The following PMF1 variants were observed in gnomAD, a reference collection of about 807,000 sequenced individuals.
PMF1 encodes polyamine modulated factor 1, also known as polyamine-modulated factor 1.
In PMF1, 21 loss-of-function variants were observed where a neutral mutation model predicts 26.7. The observed-to-expected ratio is 0.79, with a 90% CI of 0.56 to 1.13. PMF1 has a LOEUF of 1.13. Among genes scored for constraint, PMF1 ranks in the 50% most tolerant of loss-of-function variants. PMF1 has a pLI of 0.00. For missense variants in PMF1, 266 were observed against 254.9 expected (o/e 1.04, Z -0.30); for synonymous variants, 105 against 101.0 (o/e 1.04, Z -0.24).
intron 4 of PMF1, among the ~76,000 whole-genome samples, chr1:156,237,499 T>G (rs1469715933): frequency 1.4e-5 from 2 of 145,310 alleles, no homozygotes; most frequent in African/African-American, 2.5e-5. Flanking sequence ...CAGGCTGGAG[T>G]GCAGTGGCAC....
intron 3 of PMF1, 88 bp downstream of exon 3, chr1:156,233,816 A>C (rs778001762): frequency 3.8e-6 from 5 of 1,314,958 alleles, no homozygotes; most frequent in South Asian, 2.7e-5. Context: ...GGGTCTCACT[A>C]TGTTGGCCAG....
Position 156,213,123 on chromosome 1 carries a change from GCTCCTC to G in PMF1, c.109_114del (p.Leu37_Leu38del), listed in dbSNP as rs1440035074. Reference sequence around the variant, plus strand: ...CCGGCACTACCATTTCGAGGGTGAAGCTCCTCGACACCATGGTGGACACTTTTCTTC... The same window carrying G: ...CCGGCACTACCATTTCGAGGGTGAAGGACACCATGGTGGACACTTTTCTTC... On this transcript the variant is annotated inframe_deletion, in exon 1 of 5. Transcript: ENST00000368277. The G allele has an allele frequency of 2.5e-5, 41 of 1,614,136 alleles. No individual in the cohort carries two copies. The highest frequency in any genetic ancestry group is 3.5e-5 in the Non-Finnish European group (41 of 1,180,044).
At chr1:156,220,050 A>G (rs977033243) in intron 1 of PMF1, among the ~76,000 whole-genome samples, 1 of 131,778 alleles carries the variant, frequency 7.6e-6, no homozygotes, top group Non-Finnish European at 1.6e-5. Flanking sequence ...TGCAAGCTCC[A>G]CCTCCCGGGT....
At chr1:156,213,662 ATG>A (rs1449019586) in intron 1 of PMF1, among the ~76,000 whole-genome samples, 2 of 151,830 alleles carry the variant, frequency 1.3e-5, no homozygotes, top group African/African-American at 2.4e-5. Flanking sequence ...GCCCACCACT[ATG>A]TGAGCAAGAC....
intron 1 of PMF1, chr1:156,223,233 T>G (rs1164116337): frequency 6.6e-6 from 1 of 152,346 alleles, no homozygotes; most frequent in African/African-American, 2.4e-5. Flanking sequence ...CCACTGTTTT[T>G]GCCTTGCTCC....
rs935721414 is a variant in PMF1, at chr1:156,233,826, G to C, written c.368+98G>C. The C allele has an allele frequency of 8.1e-6, 10 of 1,228,008 alleles. No individual in the cohort carries two copies. The African/African-American group carries it at 1.4e-4, about 17-fold the overall frequency. The allele number at this position is 1,228,008 out of a possible 1,614,324, so 76.1% of individuals were successfully genotyped here. ...AGTCAGGGTCTCACTATGTTGGCCA[G>C]GCTGGTCACAAACTCCTGGCCTTAA... On this transcript the variant is annotated intron_variant, in intron 3 of 4. Coordinates refer to ENST00000368277, the MANE Select transcript of PMF1 (RefSeq NM_007221.4).
chr1:156,231,031 C>T (rs1658667460), intron 1 of PMF1, among the ~76,000 whole-genome samples: 1 of 151,896 alleles, frequency 6.6e-6, no homozygotes, highest in Admixed American at 6.6e-5. Context: ...CTAGCTAACA[C>T]GGTGAAACCC....
chr1:156,221,392 G>C (rs148781032), intron 1 of PMF1, among the ~76,000 whole-genome samples: 5 of 152,294 alleles, frequency 3.3e-5, no homozygotes, highest in Non-Finnish European at 5.9e-5. Flanking sequence ...AGGCCACCTT[G>C]CTCCCCTGGT....
chr1:156,233,571 T>C, intron 2 of PMF1, 57 bp from the exon 3 acceptor site: 3 of 1,565,998 alleles, frequency 1.9e-6, no homozygotes, highest in South Asian at 2.3e-5. Context: ...CAGTTTAGCA[T>C]ATTTTTGCCA....
intron 1 of PMF1, chr1:156,224,010 A>G (rs2103095038): frequency 6.6e-6 from 1 of 152,320 alleles, no homozygotes; most frequent in African/African-American, 2.4e-5. Flanking sequence ...ATATTTATCA[A>G]ACCACAAAGT....
chr1:156,235,829 T>C (rs189412840), intron 3 of PMF1, among the ~76,000 whole-genome samples: 1 of 152,310 alleles, frequency 6.6e-6, no homozygotes, highest in Admixed American at 6.5e-5. Flanking sequence ...TCTTCCCAGA[T>C]CAGCCAACAC....
Position 156,213,084 on chromosome 1 carries a change from G to T in PMF1, c.69G>T (p.Ser23=). ...AAAAAAGGCATGAGGGGTCGTCTTC[G>T]GAATCTGTGCCACCCGGCACTACCA... ...CEEKRHEGSS[S]ESVPPGTTIS... The change falls in exon 1 of 5, where the codon TCG becomes TCT. Residue 23 remains serine, a synonymous_variant. Coordinates refer to ENST00000368277, the MANE Select transcript of PMF1 (RefSeq NM_007221.4). 6.2e-7 allele frequency: 1 copy of T among 1,614,228 alleles called. No homozygotes were observed. Among genetic ancestry groups the T allele is most frequent in the Non-Finnish European group, 8.5e-7 (1 of 1,180,024 alleles).
Position 156,236,460 on chromosome 1 carries a change from C to T in PMF1, c.541C>T (p.Gln181Ter), listed in dbSNP as rs772118740. Reference protein sequence around the residue: ...RQVEELQLQVQAQQQAWQALH... With the variant: ...RQVEELQLQV ...GGTGGAGGAGCTGCAGCTACAGGTC[C>T]AGGCCCAGCAGCAGGCCTGGCAGGT... The change falls in exon 4 of 5, where the codon CAG becomes TAG. Residue 181 changes from glutamine (Q) to a stop codon, truncating the protein, a stop_gained. Coordinates refer to ENST00000368277, the MANE Select transcript of PMF1 (RefSeq NM_007221.4). LOFTEE classifies it high-confidence loss of function. 1.1e-5 allele frequency: 18 copies of T among 1,612,872 alleles called. No individual in the cohort carries two copies. In the South Asian group the frequency reaches 1.9e-4, roughly 17 times the overall value.
intron 4 of PMF1, among the ~76,000 whole-genome samples, chr1:156,238,835 C>A (rs1316249751): frequency 1.3e-5 from 2 of 152,116 alleles, no homozygotes; most frequent in East Asian, 3.9e-4. Flanking sequence ...ACATCACAGA[C>A]TGGCCTGGGG....
intron 1 of PMF1, among the ~76,000 whole-genome samples, chr1:156,219,649 A>T (rs151203830): frequency 2.9e-3 from 418 of 145,748 alleles, no homozygotes; most frequent in African/African-American, 0.01. Flanking sequence ...GCAGTGGCAC[A>T]ATCATGGCTC....
At chr1:156,233,074 C>T (rs1236511955) in intron 2 of PMF1, among the ~76,000 whole-genome samples, 1 of 151,788 alleles carries the variant, frequency 6.6e-6, no homozygotes, top group Non-Finnish European at 1.5e-5. Context: ...CGTGCACCCC[C>T]ACGCCTAGCT....
chr1:156,233,568 G>A (rs1658837566), intron 2 of PMF1, 60 bp from the exon 3 acceptor site: 1 of 1,548,794 alleles, frequency 6.5e-7, no homozygotes, highest in Non-Finnish European at 8.9e-7. Context: ...CAGCAGTTTA[G>A]CATATTTTTG....
At chr1:156,217,233 T>TA (rs558492040) in intron 1 of PMF1, among the ~76,000 whole-genome samples, 3,928 of 97,924 alleles carry the variant, frequency 0.04, 73 homozygotes, top group Non-Finnish European at 0.052. Flanking sequence ...TAAAGTATAA[T>TA]AAAAAAAAAA....
intron 2 of PMF1, 130 bp downstream of exon 2, chr1:156,232,555 AGCAGGCTGCAGCATC>A: frequency 1.4e-6 from 1 of 727,570 alleles, no homozygotes; most frequent in East Asian, 2.6e-5. Context: ...CTGGGTGCCC[AGCAGGCTGCAGCATC>A]CATCGTCACT....
Sources: allele counts gnomAD v4.1 joint callset (sites outside exome capture counted in the v4.1 genomes callset), GRCh38; gene constraint gnomAD v4.1.1; transcripts MANE v1.5; gene names NCBI Gene and HGNC (gene_info 2026-07-23, HGNC 2026-07-21).